MAPK10: variants seen among roughly 807,000 people sequenced by gnomAD.
MAPK10 encodes JNK3 alpha protein kinase.
A neutral mutation model predicts 59.3 loss-of-function variants in MAPK10; 25 were observed. The ratio of observed to expected loss-of-function variants is 0.42; its 90% CI spans 0.31 to 0.59. The LOEUF (loss-of-function observed/expected upper bound fraction) is 0.59, where lower values mean the gene tolerates loss of function less well. MAPK10 is among the 20% of genes least tolerant of loss of function. The pLI, the probability that MAPK10 is intolerant of heterozygous loss-of-function variation, is 0.15. For synonymous variants in MAPK10, 190 were observed against 200.5 expected (o/e 0.95, Z 0.44); for missense variants, 351 against 568.9 (o/e 0.62, Z 3.90).
At chr4:86,216,942 C>T (rs889235295) in intron 2 of MAPK10, among the ~76,000 whole-genome samples, 1 of 151,896 alleles carries the variant, frequency 6.6e-6, no homozygotes, top group Non-Finnish European at 1.5e-5. Flanking sequence ...TATTACAGCA[C>T]GTGAAAGAAT....
intron 11 of MAPK10, among the ~76,000 whole-genome samples, chr4:86,040,510 G>A (rs2041296425): frequency 6.6e-6 from 1 of 152,090 alleles, no homozygotes; most frequent in Non-Finnish European, 1.5e-5. Context: ...CATCAAAAGA[G>A]CACATTTTTT....
chr4:86,433,938 G>T (rs1039668091), intron 1 of MAPK10, among the ~76,000 whole-genome samples: 1 of 152,058 alleles, frequency 6.6e-6, no homozygotes, highest in East Asian at 1.9e-4. Flanking sequence ...CTCTCCACAC[G>T]TATCACATGG....
intron 1 of MAPK10, among the ~76,000 whole-genome samples, chr4:86,466,309 A>G (rs980677302): frequency 6.6e-6 from 1 of 152,206 alleles, no homozygotes; most frequent in Non-Finnish European, 1.5e-5. Flanking sequence ...TTTAGCTTAA[A>G]TAGCACCTCT....
In MAPK10 at chr4:86,591,192, A is replaced by G. The variant is rs1298408089; in HGVS notation, c.-263+2718T>C. On this transcript the variant is annotated intron_variant, in intron 1 of 4. Coordinates refer to the MAPK10 transcript ENST00000502302. ...TCCTGCCTTGGCCTTCTAAAGTGCT[A>G]GGATTACAGGCGTGAGCCACCATGC... Among the ~76,000 whole-genome samples the G allele has an allele frequency of 4.6e-5, 7 of 152,210 alleles. No individual in the cohort carries two copies. In the South Asian group the frequency reaches 1.2e-3, roughly 27 times the overall value.
At chr4:86,198,381 TG>T (rs1485828846) in intron 2 of MAPK10, among the ~76,000 whole-genome samples, 1 of 152,126 alleles carries the variant, frequency 6.6e-6, no homozygotes, top group Non-Finnish European at 1.5e-5. Flanking sequence ...CTATGGGAAC[TG>T]GGGCCCGAGG....
chr4:86,109,671 T>C (rs2057139206), intron 4 of MAPK10, among the ~76,000 whole-genome samples: 1 of 152,248 alleles, frequency 6.6e-6, no homozygotes, highest in Non-Finnish European at 1.5e-5. Context: ...GTCTTTGCTA[T>C]CGTGCATAGC....
intron 1 of MAPK10, among the ~76,000 whole-genome samples, chr4:86,591,846 G>C (rs1238309554): frequency 4.6e-5 from 7 of 151,884 alleles, no homozygotes; most frequent in Admixed American, 3.9e-4. Context: ...ATTGGCTATC[G>C]TTTCTATTGT....
chr4:86,107,218 C>T lies in MAPK10; in HGVS notation c.366+5G>A. ...TGCCAGAAGTTTAAAAATAACAAAACTCACGTTTTTATGGTTCACACACTT... is the reference window on the plus strand; with the variant it reads ...TGCCAGAAGTTTAAAAATAACAAAATTCACGTTTTTATGGTTCACACACTT... On this transcript the variant is annotated splice_donor_5th_base_variant and intron_variant, in intron 5 of 13. Coordinates refer to ENST00000641462, the MANE Select transcript of MAPK10 (RefSeq NM_138982.4). 1 of 1,603,040 alleles carries T rather than the reference C, an allele frequency of 6.2e-7. No individual in the cohort carries two copies. The highest frequency in any genetic ancestry group is 8.5e-7 in the Non-Finnish European group (1 of 1,176,404).
At chr4:86,387,298 A>G (rs1448634516) in intron 1 of MAPK10, among the ~76,000 whole-genome samples, 1 of 152,216 alleles carries the variant, frequency 6.6e-6, no homozygotes, top group African/African-American at 2.4e-5. Flanking sequence ...TTGAATAAGA[A>G]AAATCATTGC....
At chr4:86,395,738 C>T (rs1349109867) in intron 1 of MAPK10, among the ~76,000 whole-genome samples, 1 of 152,166 alleles carries the variant, frequency 6.6e-6, no homozygotes, top group Admixed American at 6.5e-5. Context: ...GATTTCATTA[C>T]TGGTGAGGGT....
chr4:86,122,291 T>C (rs2059394655), intron 4 of MAPK10, among the ~76,000 whole-genome samples: 1 of 152,112 alleles, frequency 6.6e-6, no homozygotes, highest in South Asian at 2.1e-4. Context: ...AACACTCTCA[T>C]AATAAGCAGA....
chr4:86,537,772 G>C (rs1224734293), intron 1 of MAPK10, among the ~76,000 whole-genome samples: 3 of 152,046 alleles, frequency 2.0e-5, no homozygotes, highest in African/African-American at 7.2e-5. Flanking sequence ...CTACTTTGTG[G>C]CTTATCTGGG....
At chr4:86,477,948 G>A (rs527492063) in intron 1 of MAPK10, among the ~76,000 whole-genome samples, 63 of 152,166 alleles carry the variant, frequency 4.1e-4, no homozygotes, top group Admixed American at 7.2e-4. Flanking sequence ...CTGTACTGCC[G>A]CAAGGCTTCA....
intron 1 of MAPK10, among the ~76,000 whole-genome samples, chr4:86,497,760 TATCATTAA>T (rs1425140087): frequency 6.6e-6 from 1 of 152,152 alleles, no homozygotes; most frequent in Non-Finnish European, 1.5e-5. Context: ...GCAAGCATCA[TATCATTAA>T]ATATGAAGTT....
chr4:86,024,895 CAA>C (rs1749402150), intron 13 of MAPK10: 1 of 152,194 alleles, frequency 6.6e-6, no homozygotes, highest in Non-Finnish European at 1.5e-5. Flanking sequence ...CAAAATCTAT[CAA>C]AGTCTTTATC....
chr4:86,207,822 G>T lies in MAPK10; in HGVS notation c.-6-13415C>A, dbSNP rs2084558659. Among the ~76,000 whole-genome samples, 5 of 152,248 alleles carry T rather than the reference G, an allele frequency of 3.3e-5. No homozygotes were observed. The South Asian group carries it at 1.0e-3, about 32-fold the overall frequency. Reference sequence around the variant, plus strand: ...CTCTTTGAAGCAATTGTGAATGGGAGTTCACTCATGATTTGGCTCTCTATT... The same window carrying T: ...CTCTTTGAAGCAATTGTGAATGGGATTTCACTCATGATTTGGCTCTCTATT... On this transcript the variant is annotated intron_variant, in intron 2 of 13. Coordinates refer to ENST00000641462, the MANE Select transcript of MAPK10 (RefSeq NM_138982.4).
intron 2 of MAPK10, among the ~76,000 whole-genome samples, chr4:86,336,944 C>T (rs1392185883): frequency 6.6e-6 from 1 of 151,984 alleles, no homozygotes; most frequent in East Asian, 1.9e-4. Context: ...GCGCCCGCCA[C>T]CGCGCCTGCT....
intron 1 of MAPK10, among the ~76,000 whole-genome samples, chr4:86,393,290 G>T (rs1208523685): frequency 6.7e-6 from 1 of 149,020 alleles, no homozygotes; most frequent in Admixed American, 6.7e-5. Flanking sequence ...GGCCATCTAA[G>T]TTCTTTTCTT....
chr4:86,538,376 C>T (rs1758414492), intron 1 of MAPK10, among the ~76,000 whole-genome samples: 1 of 152,090 alleles, frequency 6.6e-6, no homozygotes, highest in Non-Finnish European at 1.5e-5. Flanking sequence ...GAGCTCCTGA[C>T]CTCAGGTGAT....
Sources: gnomAD v4.1 joint callset for allele counts (sites outside exome capture counted in the v4.1 genomes callset) on GRCh38, gnomAD v4.1.1 for gene constraint, MANE v1.5 for transcripts, NCBI Gene and HGNC (gene_info 2026-07-23, HGNC 2026-07-21) for gene names.